Variants in KCNQ5 observed in about 807,000 individuals in gnomAD.
KCNQ5 encodes the protein potassium voltage-gated channel subfamily Q member 5.
A neutral mutation model predicts 98.2 loss-of-function variants in KCNQ5; 30 were observed. The observed-to-expected ratio is 0.31, with a 90% CI of 0.23 to 0.41. The LOEUF (loss-of-function observed/expected upper bound fraction) is 0.41, where lower values mean the gene tolerates loss of function less well. KCNQ5 is among the 10% of genes least tolerant of loss of function. The pLI is 1.00. For missense variants in KCNQ5, 835 were observed against 1,182.5 expected (o/e 0.71, Z 4.31); for synonymous variants, 458 against 449.4 (o/e 1.02, Z -0.24).
chr6:73,179,068 A>C (rs1364792284), intron 11 of KCNQ5, among the ~76,000 whole-genome samples: 1 of 152,176 alleles, frequency 6.6e-6, no homozygotes, highest in African/African-American at 2.4e-5. Flanking sequence ...CGTGCTTTTA[A>C]GACAGATAAA....
chr6:72,740,104 TC>T (rs1193747992), intron 1 of KCNQ5, among the ~76,000 whole-genome samples: 19 of 152,318 alleles, frequency 1.2e-4, no homozygotes, highest in African/African-American at 4.6e-4. Flanking sequence ...ATTACAGTAA[TC>T]CCCTAGGCTT....
intron 1 of KCNQ5, among the ~76,000 whole-genome samples, chr6:72,874,632 A>G (rs768087938): frequency 5.3e-5 from 8 of 152,144 alleles, no homozygotes; most frequent in Non-Finnish European, 1.2e-4. Flanking sequence ...AATAATAATA[A>G]CAGCTACATT....
intron 1 of KCNQ5, among the ~76,000 whole-genome samples, chr6:72,655,222 A>G (rs1489665674): frequency 6.6e-6 from 1 of 151,878 alleles, no homozygotes; most frequent in African/African-American, 2.4e-5. Flanking sequence ...CGTAATGGAC[A>G]TATAATCTGT....
At chr6:73,136,041 C>T (rs1343480030) in intron 10 of KCNQ5, 1 of 152,192 alleles carries the variant, frequency 6.6e-6, no homozygotes, top group Admixed American at 6.5e-5. Flanking sequence ...AGGACCATAA[C>T]ATATGAATTT....
chr6:72,802,781 C>T (rs1211330523), intron 1 of KCNQ5, among the ~76,000 whole-genome samples: 3 of 152,234 alleles, frequency 2.0e-5, no homozygotes, highest in Non-Finnish European at 2.9e-5. Context: ...TCAGAGCCCC[C>T]GGCCCTGACC....
chr6:72,774,494 T>A (rs964631241), intron 1 of KCNQ5, among the ~76,000 whole-genome samples: 5 of 152,064 alleles, frequency 3.3e-5, no homozygotes, highest in African/African-American at 1.2e-4. Flanking sequence ...TACATTAACA[T>A]TTAAAAATGT....
chr6:72,674,015 A>G (rs1767274504), intron 1 of KCNQ5, among the ~76,000 whole-genome samples: 1 of 152,198 alleles, frequency 6.6e-6, no homozygotes, highest in South Asian at 2.1e-4. Flanking sequence ...ACGTTACTCT[A>G]AAAGCATTGC....
chr6:73,088,350 A>C (rs1342597202), intron 5 of KCNQ5, among the ~76,000 whole-genome samples: 1 of 152,158 alleles, frequency 6.6e-6, no homozygotes, highest in Non-Finnish European at 1.5e-5. Flanking sequence ...TTAGGCTGTG[A>C]CATCAGAGAT....
In KCNQ5 at chr6:73,129,840, G is replaced by C. The variant is rs774233700; in HGVS notation, c.1248-3581G>C. 1 of 1,612,292 alleles carries C rather than the reference G, an allele frequency of 6.2e-7. No individual in the cohort carries two copies. The highest frequency in any genetic ancestry group is 8.5e-7 in the Non-Finnish European group (1 of 1,178,964). On this transcript the variant is annotated intron_variant, in intron 9 of 13. Coordinates refer to ENST00000370398, the MANE Select transcript of KCNQ5 (RefSeq NM_019842.4). ...AAGCTCTTCAGAATGTACACCTCAC[G>C]GAAGCAGAGGTACCCAGCATCCGGG...
At chr6:72,670,207 C>A (rs1035174179) in intron 1 of KCNQ5, among the ~76,000 whole-genome samples, 1 of 152,084 alleles carries the variant, frequency 6.6e-6, no homozygotes, top group Non-Finnish European at 1.5e-5. Flanking sequence ...TCCATCTGGG[C>A]CCTCATCAGA....
chr6:73,138,480 G>C (rs1267090191), intron 10 of KCNQ5, among the ~76,000 whole-genome samples: 4 of 152,174 alleles, frequency 2.6e-5, no homozygotes, highest in Non-Finnish European at 5.9e-5. Context: ...GCTTTAGGGA[G>C]CTCCACCTTA....
intron 1 of KCNQ5, among the ~76,000 whole-genome samples, chr6:72,623,006 G>C (rs918284450): frequency 1.3e-5 from 2 of 152,146 alleles, no homozygotes; most frequent in Non-Finnish European, 2.9e-5. Context: ...GTTAGGAGGT[G>C]ATGGCGGGGT....
chr6:72,962,852 A>C (rs539478441), intron 1 of KCNQ5, among the ~76,000 whole-genome samples: 2 of 152,248 alleles, frequency 1.3e-5, no homozygotes, highest in East Asian at 3.9e-4. Flanking sequence ...GCTATTATGC[A>C]ATGCCCAGCT....
chr6:72,940,660 C>T (rs529050917), intron 1 of KCNQ5, among the ~76,000 whole-genome samples: 1 of 152,288 alleles, frequency 6.6e-6, no homozygotes, highest in East Asian at 1.9e-4. Flanking sequence ...CAAATCACTT[C>T]GATTGCTTAA....
intron 1 of KCNQ5, among the ~76,000 whole-genome samples, chr6:72,726,105 T>TA (rs57711571): frequency 0.35 from 52,271 of 148,126 alleles, 11,950 homozygotes; most frequent in African/African-American, 0.62. Context: ...TGATGTTTGG[T>TA]AAAAAAAAAA....
chr6:73,193,192 T>G (rs144622646), intron 13 of KCNQ5, among the ~76,000 whole-genome samples: 1 of 151,738 alleles, frequency 6.6e-6, no homozygotes, highest in Non-Finnish European at 1.5e-5. Context: ...GGCGAATTTT[T>G]GTATTTTTAG....
intron 1 of KCNQ5, among the ~76,000 whole-genome samples, chr6:72,766,069 G>A (rs1267804136): frequency 6.6e-6 from 1 of 151,996 alleles, no homozygotes; most frequent in Non-Finnish European, 1.5e-5. Context: ...ACAATCAAGG[G>A]GAATTAAGAG....
At chr6:72,813,594 G>A (rs1031167475) in intron 1 of KCNQ5, among the ~76,000 whole-genome samples, 1 of 146,994 alleles carries the variant, frequency 6.8e-6, no homozygotes, top group African/African-American at 2.5e-5. Flanking sequence ...TAAAATGGTT[G>A]TCCCTAGGTG....
Position 72,622,100 on chromosome 6 carries a change from G to C in KCNQ5, c.-90G>C. On this transcript the variant is annotated 5_prime_UTR_variant, in exon 1 of 14. Coordinates refer to ENST00000370398, the MANE Select transcript of KCNQ5 (RefSeq NM_019842.4). This position sits in a 1 kb window ranked among gnomAD's most constrained non-coding sequence, Gnocchi z 6.0. ...GCTGGCGGGCGCCCCGTCGGCCGCC[G>C]GCTTCCTCCTTGAAACCCGCCGGCG... The C allele has an allele frequency of 2.0e-5, 23 of 1,138,186 alleles. No individual in the cohort carries two copies. Among genetic ancestry groups the C allele is most frequent in the Non-Finnish European group, 2.5e-5 (23 of 910,896 alleles). 70.5% of individuals were successfully genotyped at this position (1,138,186 alleles called of 1,614,324 possible). A position where few individuals can be genotyped will look rare whatever the true frequency, so the allele number is the denominator to read the frequency against.
Sources: allele counts gnomAD v4.1 joint callset (sites outside exome capture counted in the v4.1 genomes callset), GRCh38; gene constraint gnomAD v4.1.1; non-coding constraint Gnocchi (gnomAD v3.1); transcripts MANE v1.5; gene names NCBI Gene and HGNC (gene_info 2026-07-23, HGNC 2026-07-21).